The following CAPN1 variants were observed in gnomAD, a reference collection of about 807,000 sequenced individuals.
CAPN1 encodes calpain 1.
Under a neutral mutation model 105.2 loss-of-function variants are expected in CAPN1, and 77 were observed. That is an observed-to-expected ratio of 0.73 (90% CI 0.61 to 0.88). The LOEUF (loss-of-function observed/expected upper bound fraction) is 0.88, where lower values mean the gene tolerates loss of function less well. Among genes scored for constraint, CAPN1 ranks in the 40% least tolerant of loss-of-function variants. CAPN1 has a pLI of 0.00. For missense variants in CAPN1, 833 were observed against 976.6 expected, an observed-to-expected ratio of 0.85 and a Z score of 1.96; for synonymous variants, 355 against 388.8, an observed-to-expected ratio of 0.91 and a Z score of 1.02.
rs1948671102 is a variant in CAPN1 at position 65,188,485 on chromosome 11, T to C, written c.1001T>C (p.Phe334Ser). 1 of 1,612,938 alleles carries C rather than the reference T, an allele frequency of 6.2e-7. No homozygotes were observed. The highest frequency in any genetic ancestry group is 8.5e-7 in the Non-Finnish European group (1 of 1,179,450). ...CGGGTCAAGATGGAGGACGGGGAGT[T>C]CTGGTGAGCGCCCCCTCCCCTTCTA... ...QLRVKMEDGE[F>S]WMSFRDFMRE... The change falls in exon 9 of 22, where the codon TTC (phenylalanine) becomes TCC (serine). Residue 334 changes from phenylalanine to serine, a missense_variant. Transcript: ENST00000279247. The surrounding 1 kb of genome is among the most constrained non-coding windows in gnomAD (Gnocchi z 5.5).
In CAPN1 at chr11:65,210,213, C is replaced by T; in HGVS notation, c.1942+117C>T. The T allele has an allele frequency of 8.7e-7, 1 of 1,146,240 alleles. No homozygotes were observed. 71.0% of individuals were successfully genotyped at this position (1,146,240 alleles called of 1,614,324 possible). On this transcript the variant is annotated intron_variant, in intron 19 of 21. Coordinates refer to ENST00000279247, the MANE Select transcript of CAPN1 (RefSeq NM_005186.4). The surrounding 1 kb of genome is among the most constrained non-coding windows in gnomAD (Gnocchi z 4.3). ...GGTGACATGGTAACAGCCATCTTGT[C>T]CTTTTCCCCACGGTTACTAGCACCC...
At chr11:65,193,962 A>ATTTTTTTTTTTTTTTTTTTTTTTTTT (rs60784154) in intron 10 of CAPN1, among the ~76,000 whole-genome samples, 1 of 76,206 alleles carries the variant, frequency 1.3e-5, no homozygotes. Flanking sequence ...CTTTGGATTG[A>ATTTTTTTTTTTTTTTTTTTTTTTTTT]TTTTTTTTTT....
At position 65,209,868 on chromosome 11, in the gene CAPN1, T is replaced by C; in HGVS notation, c.1814T>C (p.Leu605Pro). The C allele has an allele frequency of 6.2e-7, 1 of 1,613,764 alleles. No individual in the cohort carries two copies. The highest frequency in any genetic ancestry group is 8.5e-7 in the Non-Finnish European group (1 of 1,179,872). Residue 605 changes from leucine to proline, a missense_variant, in exon 18 of 22, where the codon CTG becomes CCG. Physicochemically the swap from Leu to Pro is moderately conservative, Grantham distance 98 (BLOSUM62 -3). Transcript: ENST00000279247. This position sits in a 1 kb window ranked among gnomAD's most constrained non-coding sequence, Gnocchi z 4.1. The stretch of plus-strand genomic sequence containing the variant: ...ACCCAGCGTGATGGCAATGGGAAGC[T>C]GGGCCTGGTGGAGTTCAACATCCTG... The part of the protein sequence containing the change: ...NLMDRDGNGK[L>P]GLVEFNILWN...
chr11:65,195,121 T>G (rs1184400692), intron 10 of CAPN1, among the ~76,000 whole-genome samples: 1 of 147,154 alleles, frequency 6.8e-6, no homozygotes, highest in Non-Finnish European at 1.5e-5. Context: ...TTTTTTTTTT[T>G]TTTTTTGAGT....
intron 12 of CAPN1, 147 bp from the exon 13 acceptor site, chr11:65,206,316 T>G (rs1948956121): frequency 1.6e-6 from 1 of 642,206 alleles, no homozygotes; most frequent in Non-Finnish European, 2.7e-6. Context: ...AATGTCTTGT[T>G]AGGGTCACAC....
intron 10 of CAPN1, among the ~76,000 whole-genome samples, chr11:65,189,520 TCCACTC>T (rs766881234): frequency 6.6e-6 from 1 of 152,198 alleles, no homozygotes; most frequent in Non-Finnish European, 1.5e-5. Flanking sequence ...TTCGACTCTT[TCCACTC>T]CCTTAGTCTT....
chr11:65,193,962 A>ATTTT (rs60784154), intron 10 of CAPN1, among the ~76,000 whole-genome samples: 71 of 76,218 alleles, frequency 9.3e-4, no homozygotes, highest in East Asian at 1.9e-3. Context: ...CTTTGGATTG[A>ATTTT]TTTTTTTTTT....
intron 21 of CAPN1, 73 bp from the exon 22 acceptor site, chr11:65,211,187 C>G (rs990461025): frequency 1.9e-6 from 3 of 1,557,440 alleles, no homozygotes; most frequent in East Asian, 2.3e-5. Context: ...GGGGGCTGGA[C>G]CTGGGGTTTG....
chr11:65,200,895 T>C (rs578075280), intron 10 of CAPN1, among the ~76,000 whole-genome samples: 2 of 147,866 alleles, frequency 1.4e-5, no homozygotes, highest in African/African-American at 5.0e-5. Context: ...AGCCTCCTGA[T>C]TTACCTGGGA....
intron 10 of CAPN1, among the ~76,000 whole-genome samples, chr11:65,198,761 G>A (rs1021684666): frequency 6.6e-6 from 1 of 152,106 alleles, no homozygotes; most frequent in South Asian, 2.1e-4. Context: ...CTGGTCTCAG[G>A]TGAGCCTCCC....
Position 65,208,601 on chromosome 11 carries a change from G to A in CAPN1, c.1729+339G>A, listed in dbSNP as rs1461370061. ...AACACCAGCCTGGACAATATGGAGA[G>A]ACCCTGTCTCTGCAAAAAAGTACAA... On this transcript the variant is annotated intron_variant, in intron 16 of 21. Coordinates refer to ENST00000279247, the MANE Select transcript of CAPN1 (RefSeq NM_005186.4). This position sits in a 1 kb window ranked among gnomAD's most constrained non-coding sequence, Gnocchi z 4.1. 9 of 398,116 alleles carry A rather than the reference G, an allele frequency of 2.3e-5. No individual in the cohort carries two copies. The highest frequency in any genetic ancestry group is 3.8e-5 in the Non-Finnish European group (8 of 211,008). The allele number at this position is 398,116 out of a possible 1,614,324, so 24.7% of individuals were successfully genotyped here. A position where few individuals can be genotyped will look rare whatever the true frequency, so the allele number is the denominator to read the frequency against.
rs577895284 is a variant in CAPN1 at position 65,205,589 on chromosome 11, G to A, written c.1342-121G>A. On this transcript the variant is annotated intron_variant, in intron 11 of 21. Coordinates refer to ENST00000279247, the MANE Select transcript of CAPN1 (RefSeq NM_005186.4). ...ACCAGATCTGGGTCCCCAGGGCCCT[G>A]CCTTCTGCCTCCTTATCCCATCAGT... 17 of 965,268 alleles carry A rather than the reference G, an allele frequency of 1.8e-5. No homozygotes were observed. In the African/African-American group the frequency reaches 2.6e-4, roughly 15 times the overall value. 59.8% of individuals were successfully genotyped at this position (965,268 alleles called of 1,614,324 possible). A position where few individuals can be genotyped will look rare whatever the true frequency, so the allele number is the denominator to read the frequency against.
At position 65,211,769 on chromosome 11, in the gene CAPN1, G is replaced by A. The variant is rs1166718893; in HGVS notation, c.*483G>A. 3 of 166,962 alleles carry A rather than the reference G, an allele frequency of 1.8e-5. No homozygotes were observed. The highest frequency in any genetic ancestry group is 1.7e-4 in the South Asian group (1 of 6,052). The allele number at this position is 166,962 out of a possible 1,614,324, so 10.3% of individuals were successfully genotyped here. On this transcript the variant is annotated 3_prime_UTR_variant, in exon 22 of 22. Transcript: ENST00000279247. The stretch of plus-strand genomic sequence containing the variant: ...GGGAACGCCTGTGCCTTCCTGCGCC[G>A]AAGCCAACGCCCCCTCTGTCCTTCC...
rs1318472903 is a variant in CAPN1 at position 65,210,195 on chromosome 11, T to C, written c.1942+99T>C. The C allele has an allele frequency of 8.5e-7, 1 of 1,180,670 alleles. No homozygotes were observed. Among genetic ancestry groups the C allele is most frequent in the East Asian group, 2.4e-5 (1 of 42,216 alleles). The allele number at this position is 1,180,670 out of a possible 1,614,324, so 73.1% of individuals were successfully genotyped here. A position where few individuals can be genotyped will look rare whatever the true frequency, so the allele number is the denominator to read the frequency against. The stretch of plus-strand genomic sequence containing the variant: ...TGTCCCTGGGGTGCTAGTGGTGACA[T>C]GGTAACAGCCATCTTGTCCTTTTCC... On this transcript the variant is annotated intron_variant, in intron 19 of 21. Coordinates refer to ENST00000279247, the MANE Select transcript of CAPN1 (RefSeq NM_005186.4). This position sits in a 1 kb window ranked among gnomAD's most constrained non-coding sequence, Gnocchi z 4.3.
In CAPN1 at chr11:65,201,187, G is replaced by A. The variant is rs567313877; in HGVS notation, c.1166-3496G>A. ...TCTTGATCTCCTGACCTCATGATCC[G>A]CCCATCTTGGCCTCCCAAAGTGCTG... On this transcript the variant is annotated intron_variant, in intron 10 of 21. Transcript: ENST00000279247. 1.9e-4 allele frequency among the ~76,000 whole-genome samples: 28 copies of A among 151,090 alleles called. No individual in the cohort carries two copies. The South Asian group carries it at 4.8e-3, about 26-fold the overall frequency.
In CAPN1 at chr11:65,187,234, T is replaced by TG; in HGVS notation, c.781dup (p.Glu261GlyfsTer61). On this transcript the variant is annotated frameshift_variant, in exon 7 of 22. Coordinates refer to ENST00000279247, the MANE Select transcript of CAPN1 (RefSeq NM_005186.4). LOFTEE classifies it high-confidence loss of function. ...CTGCAGATCTCCAGCGTTCTAGACA[T>TG]GGAGGCCATCACTTTCAAGAAGTTG... 1 of 1,613,182 alleles carries TG rather than the reference T, an allele frequency of 6.2e-7. No individual in the cohort carries two copies. The highest frequency in any genetic ancestry group is 8.5e-7 in the Non-Finnish European group (1 of 1,179,518).
rs1452875914 is a variant in CAPN1, at chr11:65,188,514, C to T, written c.1004+26C>T. 1 of 1,612,788 alleles carries T rather than the reference C, an allele frequency of 6.2e-7. No individual in the cohort carries two copies. The highest frequency in any genetic ancestry group is 8.5e-7 in the Non-Finnish European group (1 of 1,179,178). ...GTGAGCGCCCCCTCCCCTTCTACCC[C>T]ACCTCTCCACCCCTACACATCAGCT... On this transcript the variant is annotated intron_variant, in intron 9 of 21. Transcript: ENST00000279247. This position sits in a 1 kb window ranked among gnomAD's most constrained non-coding sequence, Gnocchi z 5.5.
At position 65,204,793 on chromosome 11, in the gene CAPN1, A is replaced by G; in HGVS notation, c.1276A>G (p.Lys426Glu). 1 of 1,612,870 alleles carries G rather than the reference A, an allele frequency of 6.2e-7. No individual in the cohort carries two copies. Among genetic ancestry groups the G allele is most frequent in the Non-Finnish European group, 8.5e-7 (1 of 1,179,682 alleles). Residue 426 changes from lysine (K) to glutamate (E), a missense_variant, in exon 11 of 22, where the codon AAG (lysine) becomes GAG (glutamate). Coordinates refer to ENST00000279247, the MANE Select transcript of CAPN1 (RefSeq NM_005186.4). Reference sequence around the variant, plus strand: ...CAGCTTCGTGCTCGCCCTTATGCAGAAGCACCGTCGCCGCGAGCGCCGCTT... The same window carrying G: ...CAGCTTCGTGCTCGCCCTTATGCAGGAGCACCGTCGCCGCGAGCGCCGCTT... ...GCSFVLALMQ[K>E]HRRRERRFGR... is the part of the protein sequence containing the mutation.
Position 65,206,666 on chromosome 11 carries a change from T to C in CAPN1, c.1557T>C (p.Ala519=). ...FVLRFFSEKS[A]GTVELDDQIQ... is the part of the protein sequence containing the mutation. ...TGCGCTTCTTCTCAGAGAAGAGTGC[T>C]GGGACTGTGTGAGTCATGGACTGGC... Residue 519 remains alanine (A), a synonymous_variant, in exon 13 of 22, where the codon GCT becomes GCC. Transcript: ENST00000279247. The C allele has an allele frequency of 4.3e-6, 7 of 1,613,218 alleles. No homozygotes were observed. The highest frequency in any genetic ancestry group is 5.9e-6 in the Non-Finnish European group (7 of 1,179,770).
Sources: gnomAD v4.1 joint callset for allele counts (sites outside exome capture counted in the v4.1 genomes callset) on GRCh38, gnomAD v4.1.1 for gene constraint, Gnocchi (gnomAD v3.1) non-coding constraint, MANE v1.5 for transcripts, NCBI Gene and HGNC (gene_info 2026-07-23, HGNC 2026-07-21) for gene names.